The following VWDE variants were observed in gnomAD, a reference collection of about 807,000 sequenced individuals.
VWDE encodes the protein von Willebrand factor D and EGF domains, also known as von Willebrand factor D and EGF domain-containing protein.
VWDE carries 207 observed loss-of-function variants against 178.4 expected under a neutral mutation model. That is an observed-to-expected ratio of 1.16 (90% CI 1.04 to 1.30). The LOEUF is 1.30. VWDE is among the 50% of genes most tolerant of loss of function. VWDE has a pLI of 0.00. For missense variants in VWDE, 2,287 were observed against 1,901.3 expected (o/e 1.20, Z -3.77); for synonymous variants, 738 against 651.4 (o/e 1.13, Z -2.02).
intron 19 of VWDE, among the ~76,000 whole-genome samples, chr7:12,349,236 A>AATAAATACATAC (rs5882356): frequency 3.6e-5 from 3 of 84,104 alleles, no homozygotes; most frequent in East Asian, 3.2e-4. Context: ...TAATCATAAT[A>AATAAATACATAC]ATAAATAAAT....
chr7:12,370,144 T>A lies in VWDE; in HGVS notation c.2162A>T (p.Asp721Val), dbSNP rs1178896510. ...CTTATTGGCCAAATATTGTAGTGAATCTTCTTTCTCATTTCCAGGATGTTT... is the reference window on the plus strand; with the variant it reads ...CTTATTGGCCAAATATTGTAGTGAAACTTCTTTCTCATTTCCAGGATGTTT... The part of the protein sequence containing the change: ...VQKHPGNEKE[D>V]SLQYLANKKY... Residue 721 changes from aspartate (D) to valine (V), a missense_variant, in exon 12 of 29, where the codon GAT becomes GTT. Physicochemically the swap from Asp to Val is radical, Grantham distance 152. Transcript: ENST00000275358. The A allele has an allele frequency of 6.4e-7, 1 of 1,551,522 alleles. No homozygotes were observed. Among genetic ancestry groups the A allele is most frequent in the East Asian group, 2.4e-5 (1 of 40,908 alleles).
chr7:12,381,759 T>A (rs1401717082), intron 4 of VWDE, among the ~76,000 whole-genome samples: 2 of 151,878 alleles, frequency 1.3e-5, no homozygotes, highest in East Asian at 3.8e-4. Context: ...ATATTATATA[T>A]CTGAGTAAAA....
At chr7:12,345,956 T>C (rs1223995211) in intron 19 of VWDE, among the ~76,000 whole-genome samples, 1 of 152,116 alleles carries the variant, frequency 6.6e-6, no homozygotes, top group Non-Finnish European at 1.5e-5. Context: ...GCTGAAAATT[T>C]ATAGCTACAC....
At position 12,356,323 on chromosome 7, in the gene VWDE, A is replaced by G. The variant is rs772723915; in HGVS notation, c.3533T>C (p.Val1178Ala). The G allele has an allele frequency of 1.3e-6, 2 of 1,550,212 alleles. No homozygotes were observed. Among genetic ancestry groups the G allele is most frequent in the South Asian group, 2.4e-5 (2 of 83,788 alleles). ...AETRVTIEVTVKSCDCLNGGS... is the reference protein window; with the variant it reads ...AETRVTIEVTAKSCDCLNGGS... ...ACCATTCAAGCAATCACAAGACTTC[A>G]CAGTCACCTACAAAACAAAAAAAAA... is the stretch of plus-strand genomic sequence containing the variant. The change falls in exon 18 of 29, where the codon GTG becomes GCG. Residue 1178 changes from valine to alanine, a missense_variant. Coordinates refer to ENST00000275358, the MANE Select transcript of VWDE (RefSeq NM_001135924.3).
At position 12,336,173 on chromosome 7, in the gene VWDE, G is replaced by T. The variant is rs1422888541; in HGVS notation, c.4622C>A (p.Pro1541His). ...ECIAPSICHC[P>H]SSWEGVRCQI... is the part of the protein sequence containing the mutation. ...ACACCGCACTCCTTCCCAGGAGGAA[G>T]GACAATGGCATATGCTGGGCGCAAT... The change falls in exon 27 of 29, where the codon CCT (proline) becomes CAT (histidine). Residue 1541 changes from proline (P) to histidine (H), a missense_variant. Pro to His is a moderately conservative substitution (Grantham distance 77, BLOSUM62 -2). Coordinates refer to ENST00000275358, the MANE Select transcript of VWDE (RefSeq NM_001135924.3). The T allele has an allele frequency of 1.3e-6, 2 of 1,551,370 alleles. No individual in the cohort carries two copies. Among genetic ancestry groups the T allele is most frequent in the Non-Finnish European group, 1.7e-6 (2 of 1,146,908 alleles).
chr7:12,365,820 C>T (rs747057787), intron 13 of VWDE, among the ~76,000 whole-genome samples: 7 of 152,088 alleles, frequency 4.6e-5, no homozygotes, highest in South Asian at 2.1e-4. Flanking sequence ...AAAATAAAGA[C>T]GGATATGCAC....
intron 2 of VWDE, among the ~76,000 whole-genome samples, chr7:12,391,672 T>C (rs562973097): frequency 7.9e-5 from 12 of 152,314 alleles, no homozygotes; most frequent in African/African-American, 2.9e-4. Context: ...AAAAAAGAGA[T>C]AATGAGACTT....
intron 3 of VWDE, among the ~76,000 whole-genome samples, chr7:12,384,388 T>C (rs994048650): frequency 1.3e-5 from 2 of 151,994 alleles, no homozygotes; most frequent in African/African-American, 4.8e-5. Context: ...ATTTTTAGGG[T>C]AGTGAAACTA....
chr7:12,348,561 A>G (rs1314757550), intron 19 of VWDE, among the ~76,000 whole-genome samples: 3 of 150,764 alleles, frequency 2.0e-5, no homozygotes, highest in African/African-American at 2.4e-5. Context: ...GCAATCATTA[A>G]AAAGTCAGGA....
intron 1 of VWDE, 28 bp downstream of exon 1, chr7:12,403,631 C>A: frequency 6.5e-7 from 1 of 1,531,222 alleles, no homozygotes; most frequent in East Asian, 2.5e-5. Context: ...CACTGCGCGC[C>A]CACCCCCGCG....
Position 12,369,774 on chromosome 7 carries a change from T to G in VWDE, c.2532A>C (p.Leu844Phe). The G allele has an allele frequency of 6.4e-7, 1 of 1,551,614 alleles. No homozygotes were observed. The highest frequency in any genetic ancestry group is 8.7e-7 in the Non-Finnish European group (1 of 1,146,920). ...CTTCTGCCCAACTAAGATCATCTTT[T>G]AACAGAACATCCTTCACACACATCT... ...VIEMCVKDVL[L>F]KDDLSWAEAG... The change falls in exon 12 of 29, where the codon TTA (leucine) becomes TTC (phenylalanine). Residue 844 changes from leucine to phenylalanine, a missense_variant. By Grantham distance (22) the Leu-to-Phe change is conservative. Transcript: ENST00000275358.
chr7:12,377,902 T>C lies in VWDE; in HGVS notation c.898A>G (p.Thr300Ala), dbSNP rs896434894. 3 of 1,480,056 alleles carry C rather than the reference T, an allele frequency of 2.0e-6. No individual in the cohort carries two copies. In the African/African-American group the frequency reaches 4.3e-5, roughly 21 times the overall value. 91.7% of individuals were successfully genotyped at this position (1,480,056 alleles called of 1,614,324 possible). A position where few individuals can be genotyped will look rare whatever the true frequency, so the allele number is the denominator to read the frequency against. The change falls in exon 7 of 29, where the codon ACT (threonine) becomes GCT (alanine). Residue 300 changes from threonine (T) to alanine (A), a missense_variant. Coordinates refer to ENST00000275358, the MANE Select transcript of VWDE (RefSeq NM_001135924.3). The part of the protein sequence containing the change: ...AGFKLQPELS[T>A]ISEDGKEYYL... The stretch of plus-strand genomic sequence containing the variant: ...TATTCTTTCCCATCCTCTGATATAG[T>C]GCTCAATTCAGGCTGTAGCTGGTAT...
intron 1 of VWDE, 100 bp downstream of exon 1, chr7:12,403,559 C>G: frequency 1.7e-6 from 2 of 1,191,184 alleles, no homozygotes; most frequent in South Asian, 1.6e-5. Context: ...TTAAAACGCA[C>G]AGGGACGCTC....
At chr7:12,359,722 T>C (rs1400304518) in intron 15 of VWDE, 30 bp from the exon 16 acceptor site, 2 of 1,363,886 alleles carry the variant, frequency 1.5e-6, no homozygotes, top group East Asian at 2.5e-5. Flanking sequence ...AAAGAAAACA[T>C]CAAAGTACAG....
At chr7:12,364,691 G>C (rs1275004842) in intron 13 of VWDE, among the ~76,000 whole-genome samples, 1 of 152,094 alleles carries the variant, frequency 6.6e-6, no homozygotes, top group African/African-American at 2.4e-5. Context: ...GATGGAAATA[G>C]AAAATCACCA....
chr7:12,384,291 G>GA (rs1783992895), intron 3 of VWDE, among the ~76,000 whole-genome samples: 1 of 151,980 alleles, frequency 6.6e-6, no homozygotes. Context: ...TGAAATCTAG[G>GA]AAAAAACAAC....
chr7:12,340,314 A>G lies in VWDE; in HGVS notation c.4366+8T>C. 1.3e-6 allele frequency: 2 copies of G among 1,546,324 alleles called. No individual in the cohort carries two copies. Among genetic ancestry groups the G allele is most frequent in the Non-Finnish European group, 1.7e-6 (2 of 1,142,918 alleles). On this transcript the variant is annotated splice_region_variant and intron_variant, in intron 24 of 28. Coordinates refer to ENST00000275358, the MANE Select transcript of VWDE (RefSeq NM_001135924.3). ...TGCCCTTTTTACATACAAAGAAAGA[A>G]TAATTACCATTCTGACAGTGTTCCC... is the stretch of plus-strand genomic sequence containing the variant.
At chr7:12,378,881 T>G (rs1247610320) in intron 6 of VWDE, among the ~76,000 whole-genome samples, 1 of 152,170 alleles carries the variant, frequency 6.6e-6, no homozygotes, top group Non-Finnish European at 1.5e-5. Flanking sequence ...CAGGTCAAAC[T>G]CGAGTCCTGT....
At chr7:12,388,776 A>C in intron 3 of VWDE, 2 of 366,766 alleles carry the variant, frequency 5.5e-6, no homozygotes, top group Non-Finnish European at 5.5e-6. Context: ...AAATAATATA[A>C]AATGTATATT....
Sources: allele counts gnomAD v4.1 joint callset (sites outside exome capture counted in the v4.1 genomes callset), GRCh38; gene constraint gnomAD v4.1.1; transcripts MANE v1.5; gene names NCBI Gene and HGNC (gene_info 2026-07-23, HGNC 2026-07-21).